The following NEO1 variants were observed in gnomAD, a reference collection of about 807,000 sequenced individuals.
The protein encoded by NEO1 is neogenin.
NEO1 carries 63 observed loss-of-function variants against 159.7 expected under a neutral mutation model. That is an observed-to-expected ratio of 0.39 (90% CI 0.32 to 0.49). The LOEUF is 0.49. Among genes scored for constraint, NEO1 ranks in the 20% least tolerant of loss-of-function variants. The pLI is 0.85. For missense variants in NEO1, 1,615 were observed against 1,831.0 expected (o/e 0.88, Z 2.15); for synonymous variants, 633 against 662.0 (o/e 0.96, Z 0.67).
intron 7 of NEO1, among the ~76,000 whole-genome samples, chr15:73,188,114 T>G (rs2036037635): frequency 1.3e-5 from 2 of 152,156 alleles, no homozygotes; most frequent in African/African-American, 4.8e-5. Context: ...GACTCTTAAC[T>G]TCTGTCTGTC....
chr15:73,070,772 G>A (rs977766538), intron 1 of NEO1, among the ~76,000 whole-genome samples: 1 of 152,136 alleles, frequency 6.6e-6, no homozygotes, highest in African/African-American at 2.4e-5. Flanking sequence ...TTAAGTGAAT[G>A]TTCTGTCTCT....
chr15:73,052,262 CGCGCGCGT>C (rs2067470945), upstream of NEO1, among the ~76,000 whole-genome samples: 1 of 144,590 alleles, frequency 6.9e-6, no homozygotes, highest in African/African-American at 2.5e-5. Flanking sequence ...GCGGGCGAGG[CGCGCGCGT>C]GCGCGTGTGC....
chr15:73,244,622 T>G, intron 9 of NEO1, 124 bp downstream of exon 9: 1 of 1,076,932 alleles, frequency 9.3e-7, no homozygotes, highest in Non-Finnish European at 1.3e-6. Context: ...GGGGTCCTTA[T>G]CAATTAGGGG....
intron 1 of NEO1, among the ~76,000 whole-genome samples, chr15:73,061,488 AG>A (rs1312218458): frequency 2.0e-5 from 3 of 152,206 alleles, no homozygotes; most frequent in Admixed American, 2.0e-4. Context: ...GAAGAAAGGA[AG>A]TGTGACCAGG....
chr15:73,059,343 C>T (rs780752006), intron 1 of NEO1, among the ~76,000 whole-genome samples: 3 of 152,168 alleles, frequency 2.0e-5, no homozygotes, highest in East Asian at 1.9e-4. Flanking sequence ...GTGCAGATTA[C>T]GTGTCTCTGC....
rs564269258 is a variant in NEO1 at position 73,215,594 on chromosome 15, G to T, written c.1292-20753G>T. Among the ~76,000 whole-genome samples the T allele has an allele frequency of 2.6e-5, 4 of 152,240 alleles. No individual in the cohort carries two copies. The South Asian group carries it at 8.3e-4, about 32-fold the overall frequency. ...GTGGTTTATCACATTTAATTCACTT[G>T]CGTATGTTAAACCATCTCTGCATCC... On this transcript the variant is annotated intron_variant, in intron 7 of 28. Transcript: ENST00000261908.
chr15:73,105,116 CAG>C (rs1436289345), intron 1 of NEO1, among the ~76,000 whole-genome samples: 1 of 152,252 alleles, frequency 6.6e-6, no homozygotes, highest in East Asian at 1.9e-4. Flanking sequence ...CTTATCTACT[CAG>C]TATCAGTGAA....
intron 13 of NEO1, among the ~76,000 whole-genome samples, chr15:73,256,422 C>T (rs560624255): frequency 6.6e-6 from 1 of 152,282 alleles, no homozygotes; most frequent in South Asian, 2.1e-4. Flanking sequence ...ATCTCTTGAA[C>T]CGGGGAGGCA....
chr15:73,238,554 A>C (rs1177577637), intron 8 of NEO1, among the ~76,000 whole-genome samples: 1 of 151,596 alleles, frequency 6.6e-6, no homozygotes, highest in African/African-American at 2.4e-5. Flanking sequence ...TAGATGGATT[A>C]AGAGATAAAT....
chr15:73,064,869 A>T (rs1026800443), intron 1 of NEO1, among the ~76,000 whole-genome samples: 3 of 152,024 alleles, frequency 2.0e-5, no homozygotes, highest in African/African-American at 4.8e-5. Flanking sequence ...TATTTAATGT[A>T]ATAGTTCATA....
At chr15:73,089,651 A>G (rs1253490368) in intron 1 of NEO1, among the ~76,000 whole-genome samples, 1 of 151,400 alleles carries the variant, frequency 6.6e-6, no homozygotes, top group African/African-American at 2.4e-5. Flanking sequence ...AAGGCTTCCC[A>G]GTGTTGACAA....
chr15:73,095,480 G>A (rs1032643156), intron 1 of NEO1, among the ~76,000 whole-genome samples: 2 of 152,056 alleles, frequency 1.3e-5, no homozygotes, highest in East Asian at 1.9e-4. Context: ...TTGCAAAATA[G>A]TGATAATCTA....
chr15:73,200,855 T>C (rs1015104792), intron 7 of NEO1, among the ~76,000 whole-genome samples: 1 of 151,764 alleles, frequency 6.6e-6, no homozygotes, highest in Non-Finnish European at 1.5e-5. Context: ...GGCTAATTTT[T>C]GTATTTTTGG....
At chr15:73,274,875 C>A in intron 21 of NEO1, 151 bp downstream of exon 21, 2 of 728,080 alleles carry the variant, frequency 2.7e-6, no homozygotes, top group Non-Finnish European at 4.5e-6. Context: ...GAGTTGAGTC[C>A]ATGTTCTGAA....
chr15:73,098,505 A>G (rs181381900), intron 1 of NEO1, among the ~76,000 whole-genome samples: 136 of 152,198 alleles, frequency 8.9e-4, no homozygotes, highest in African/African-American at 3.1e-3. Flanking sequence ...AGGTAAATAC[A>G]CTCATTTTTC....
At chr15:73,095,809 T>G (rs1199299915) in intron 1 of NEO1, among the ~76,000 whole-genome samples, 1 of 152,216 alleles carries the variant, frequency 6.6e-6, no homozygotes, top group African/African-American at 2.4e-5. Context: ...GAAAAAACTA[T>G]GCATGGATTT....
intron 5 of NEO1, among the ~76,000 whole-genome samples, chr15:73,147,257 G>T (rs768045621): frequency 6.6e-6 from 1 of 152,182 alleles, no homozygotes; most frequent in Non-Finnish European, 1.5e-5. Flanking sequence ...AGGGCTCAGA[G>T]AATCTTTCCT....
intron 2 of NEO1, among the ~76,000 whole-genome samples, chr15:73,119,290 TA>T (rs2071496047): frequency 6.8e-6 from 1 of 147,528 alleles, no homozygotes; most frequent in Non-Finnish European, 1.5e-5. Flanking sequence ...CAATAAAACC[TA>T]AAAAAATTCT....
chr15:73,261,920 A>G lies in NEO1; in HGVS notation c.2398+1455A>G, dbSNP rs1420563427. 2.6e-5 allele frequency among the ~76,000 whole-genome samples: 4 copies of G among 152,214 alleles called. No individual in the cohort carries two copies. The South Asian group carries it at 8.3e-4, about 31-fold the overall frequency. On this transcript the variant is annotated intron_variant, in intron 15 of 28. Transcript: ENST00000261908. ...AGACATAGTGGTGGTATTGTAAAGG[A>G]AGATGTTATACATCAATGGAACAGA...
Sources: allele counts gnomAD v4.1 joint callset (sites outside exome capture counted in the v4.1 genomes callset), GRCh38; gene constraint gnomAD v4.1.1; transcripts MANE v1.5; gene names NCBI Gene and HGNC (gene_info 2026-07-23, HGNC 2026-07-21).